APP: variants seen among roughly 807,000 people sequenced by gnomAD.
APP encodes the protein amyloid-beta precursor protein.
In APP, 31 loss-of-function variants were observed where a neutral mutation model predicts 101.4. That is an observed-to-expected ratio of 0.31 (90% CI 0.23 to 0.41). The LOEUF is 0.41. Ranked by LOEUF, APP falls within the 10% of genes least tolerant of loss-of-function variation. The pLI is 1.00. For missense variants in APP, 839 were observed against 1,003.7 expected (o/e 0.84, Z 2.22); for synonymous variants, 366 against 364.4 (o/e 1.00, Z -0.05).
At chr21:25,985,834 C>A (rs2042616002) in intron 8 of APP, among the ~76,000 whole-genome samples, 1 of 152,086 alleles carries the variant, frequency 6.6e-6, no homozygotes. Context: ...TTCATACAAA[C>A]TCCCCATCTC....
chr21:26,152,901 A>C (rs1481335925), intron 1 of APP, among the ~76,000 whole-genome samples: 2 of 152,250 alleles, frequency 1.3e-5, no homozygotes, highest in Admixed American at 6.5e-5. Flanking sequence ...CTAAGTGGCC[A>C]CTGACTAATG....
intron 13 of APP, among the ~76,000 whole-genome samples, chr21:25,939,964 A>G (rs115689493): frequency 0.027 from 4,101 of 152,260 alleles, 181 homozygotes; most frequent in African/African-American, 0.093. Context: ...TAAGAACTCT[A>G]AGGCCACAGT....
chr21:25,986,090 A>C (rs150122899), intron 8 of APP, among the ~76,000 whole-genome samples: 1 of 152,284 alleles, frequency 6.6e-6, no homozygotes, highest in East Asian at 1.9e-4. Context: ...CATAGGACTG[A>C]CTACCATTTT....
intron 16 of APP, among the ~76,000 whole-genome samples, chr21:25,897,258 GTTT>G (rs2038122897): frequency 6.6e-6 from 1 of 151,992 alleles, no homozygotes; most frequent in Non-Finnish European, 1.5e-5. Flanking sequence ...GACTACAGGT[GTTT>G]GCCACCACAC....
chr21:25,970,844 G>A (rs2042005717), intron 11 of APP, among the ~76,000 whole-genome samples: 1 of 151,964 alleles, frequency 6.6e-6, no homozygotes, highest in Non-Finnish European at 1.5e-5. Flanking sequence ...GCTCTTTAAC[G>A]GCTCCTCATG....
intron 1 of APP, among the ~76,000 whole-genome samples, chr21:26,148,664 A>G (rs1381502980): frequency 2.0e-5 from 3 of 152,200 alleles, no homozygotes; most frequent in African/African-American, 7.2e-5. Context: ...CCCAGGAGGG[A>G]TGAAGGGTGG....
intron 13 of APP, among the ~76,000 whole-genome samples, chr21:25,917,744 G>A (rs1001494395): frequency 2.0e-5 from 3 of 151,764 alleles, no homozygotes; most frequent in Non-Finnish European, 2.9e-5. Flanking sequence ...AAGTCTGGCT[G>A]TTAAAGCTCT....
intron 1 of APP, among the ~76,000 whole-genome samples, chr21:26,136,203 AAAG>A (rs2062912309): frequency 3.1e-5 from 1 of 32,452 alleles, no homozygotes; most frequent in Non-Finnish European, 5.2e-5. Flanking sequence ...GAAAGAAAGA[AAAG>A]AAAAGAAAGA....
chr21:25,996,240 A>G (rs1202104146), intron 8 of APP, among the ~76,000 whole-genome samples: 1 of 152,190 alleles, frequency 6.6e-6, no homozygotes, highest in Non-Finnish European at 1.5e-5. Flanking sequence ...CTCTTTCTCT[A>G]CTTCCTAGTC....
At chr21:26,080,774 A>G (rs1049629880) in intron 3 of APP, among the ~76,000 whole-genome samples, 1 of 151,776 alleles carries the variant, frequency 6.6e-6, no homozygotes, top group Non-Finnish European at 1.5e-5. Flanking sequence ...TATCTCAAAA[A>G]AAAAAAAAAA....
At chr21:26,136,189 G>GAAAA in intron 1 of APP, among the ~76,000 whole-genome samples, 1 of 81,642 alleles carries the variant, frequency 1.2e-5, no homozygotes, top group East Asian at 3.2e-4. Flanking sequence ...AAGAAAGAAA[G>GAAAA]AAAGAAAGAA....
chr21:25,926,318 A>C (rs549711283), intron 13 of APP, among the ~76,000 whole-genome samples: 1 of 152,168 alleles, frequency 6.6e-6, no homozygotes, highest in Non-Finnish European at 1.5e-5. Flanking sequence ...TATACTAAAG[A>C]AGCATGGACT....
chr21:26,020,341 C>T (rs2044283054), intron 6 of APP, among the ~76,000 whole-genome samples: 1 of 152,056 alleles, frequency 6.6e-6, no homozygotes, highest in Non-Finnish European at 1.5e-5. Context: ...CGAAAATGTT[C>T]TAAGATTAGA....
chr21:26,082,023 A>G (rs901519835), intron 3 of APP, among the ~76,000 whole-genome samples: 4 of 152,028 alleles, frequency 2.6e-5, no homozygotes, highest in African/African-American at 9.7e-5. Flanking sequence ...TTTGAGACCA[A>G]CCTGGCCAAC....
Position 25,897,554 on chromosome 21 carries a change from G to C in APP, c.2064+19C>G. ...GGCAAGACAAACAGTAGTGGAAAGAGGTAAATTATTTTACGTACCAATTTT... is the reference window on the plus strand; with the variant it reads ...GGCAAGACAAACAGTAGTGGAAAGACGTAAATTATTTTACGTACCAATTTT... On this transcript the variant is annotated intron_variant, in intron 16 of 17. Transcript: ENST00000346798. The C allele has an allele frequency of 1.3e-6, 2 of 1,570,516 alleles. No homozygotes were observed. Among genetic ancestry groups the C allele is most frequent in the Non-Finnish European group, 1.8e-6 (2 of 1,140,414 alleles).
chr21:26,023,373 T>TA (rs35579863), intron 5 of APP, among the ~76,000 whole-genome samples: 41,952 of 109,756 alleles, frequency 0.38, 6,863 homozygotes, highest in Admixed American at 0.51. Context: ...CCAAAAAAAT[T>TA]AAAAAAAAAA....
chr21:26,065,812 CAG>C (rs994089255), intron 3 of APP, among the ~76,000 whole-genome samples: 5 of 152,160 alleles, frequency 3.3e-5, no homozygotes, highest in African/African-American at 9.7e-5. Flanking sequence ...TTATCAATAA[CAG>C]GACTTCTTGT....
At chr21:26,102,263 G>C (rs1402485230) in intron 2 of APP, among the ~76,000 whole-genome samples, 1 of 151,756 alleles carries the variant, frequency 6.6e-6, no homozygotes, top group African/African-American at 2.4e-5. Context: ...AAATATTTTT[G>C]TATTTTTAGT....
intron 14 of APP, among the ~76,000 whole-genome samples, chr21:25,905,913 G>A (rs1365587287): frequency 6.7e-6 from 1 of 150,082 alleles, no homozygotes; most frequent in African/African-American, 2.5e-5. Flanking sequence ...CAAAAGTGAA[G>A]TTTTTAGGAT....
Sources: gnomAD v4.1 joint callset for allele counts (sites outside exome capture counted in the v4.1 genomes callset) on GRCh38, gnomAD v4.1.1 for gene constraint, MANE v1.5 for transcripts, NCBI Gene and HGNC (gene_info 2026-07-23, HGNC 2026-07-21) for gene names.